ASTN2: variants seen among roughly 807,000 people sequenced by gnomAD.
ASTN2 encodes astrotactin-2.
Under a neutral mutation model 139.8 loss-of-function variants are expected in ASTN2, and 54 were observed. The observed-to-expected ratio is 0.39, with a 90% confidence interval of 0.31 to 0.48. The LOEUF (loss-of-function observed/expected upper bound fraction) is 0.48, where lower values mean the gene tolerates loss of function less well. Among genes scored for constraint, ASTN2 ranks in the 20% least tolerant of loss-of-function variants. ASTN2 has a pLI of 0.95. For synonymous variants in ASTN2, 756 were observed against 719.5 expected (o/e 1.05, Z -0.81); for missense variants, 1,565 against 1,725.1 (o/e 0.91, Z 1.64).
intron 13 of ASTN2, among the ~76,000 whole-genome samples, chr9:116,796,448 T>C (rs924786523): frequency 1.3e-5 from 2 of 152,212 alleles, no homozygotes; most frequent in African/African-American, 4.8e-5. Context: ...CCTAAGCTCC[T>C]GGCCATAGGA....
At chr9:117,229,624 T>C (rs1316166762) in intron 2 of ASTN2, among the ~76,000 whole-genome samples, 1 of 152,148 alleles carries the variant, frequency 6.6e-6, no homozygotes, top group African/African-American at 2.4e-5. Flanking sequence ...AACTTCAGAT[T>C]AATTAGATGA....
intron 19 of ASTN2, among the ~76,000 whole-genome samples, chr9:116,544,162 C>T (rs1330878632): frequency 6.6e-6 from 1 of 152,106 alleles, no homozygotes; most frequent in Non-Finnish European, 1.5e-5. Flanking sequence ...TACTAGTATT[C>T]TATGATGAAT....
intron 4 of ASTN2, among the ~76,000 whole-genome samples, chr9:117,101,111 G>C (rs1042265705): frequency 1.4e-4 from 21 of 152,158 alleles, no homozygotes; most frequent in Non-Finnish European, 2.9e-5. Context: ...TCAATTACTT[G>C]ATGCTTGTCT....
intron 10 of ASTN2, among the ~76,000 whole-genome samples, chr9:116,915,151 T>C (rs147903771): frequency 1.3e-5 from 2 of 152,302 alleles, no homozygotes; most frequent in East Asian, 3.9e-4. Flanking sequence ...CATTAAGATA[T>C]GTCAATGCCA....
At chr9:117,211,709 C>T (rs1832136411) in intron 3 of ASTN2, among the ~76,000 whole-genome samples, 1 of 152,030 alleles carries the variant, frequency 6.6e-6, no homozygotes, top group Admixed American at 6.6e-5. Flanking sequence ...CGGAAAAGTT[C>T]TAGGATGCAA....
At position 116,874,547 on chromosome 9, in the gene ASTN2, T is replaced by C. The variant is rs1054369950; in HGVS notation, c.1890-10814A>G. On this transcript the variant is annotated intron_variant, in intron 10 of 22. Transcript: ENST00000313400. ...TTGTCCATCTGTGTGATGGAGGCAA[T>C]AATATTCAACTCACAGAATTGTGGG... Among the ~76,000 whole-genome samples the C allele has an allele frequency of 3.3e-5, 5 of 152,320 alleles. No individual in the cohort carries two copies. In the East Asian group the frequency reaches 5.8e-4, roughly 18 times the overall value.
At chr9:116,655,226 C>A (rs1324338925) in intron 16 of ASTN2, among the ~76,000 whole-genome samples, 1 of 152,186 alleles carries the variant, frequency 6.6e-6, no homozygotes, top group African/African-American at 2.4e-5. Context: ...AGATGAAACA[C>A]CATTAGCCAT....
chr9:117,370,422 T>G (rs562881983), intron 1 of ASTN2, among the ~76,000 whole-genome samples: 1 of 152,286 alleles, frequency 6.6e-6, no homozygotes, highest in South Asian at 2.1e-4. Context: ...AGGGTGGTAC[T>G]GGGAGAAAGA....
intron 1 of ASTN2, among the ~76,000 whole-genome samples, chr9:117,318,738 G>A (rs1022927971): frequency 1.3e-5 from 2 of 152,122 alleles, no homozygotes; most frequent in South Asian, 2.1e-4. Flanking sequence ...AAGGAAAATC[G>A]AGGGCTCAAG....
intron 2 of ASTN2, among the ~76,000 whole-genome samples, chr9:117,244,944 G>A (rs772983891): frequency 5.9e-5 from 9 of 152,070 alleles, no homozygotes; most frequent in Non-Finnish European, 1.2e-4. Context: ...ACTTTTTTCA[G>A]TTATATGTAG....
chr9:117,227,181 G>A (rs956682081), intron 2 of ASTN2, among the ~76,000 whole-genome samples: 1 of 152,176 alleles, frequency 6.6e-6, no homozygotes, highest in Non-Finnish European at 1.5e-5. Context: ...AGTCACGTTG[G>A]TGAAGGCTTC....
At chr9:117,133,863 A>T (rs1388447087) in intron 4 of ASTN2, among the ~76,000 whole-genome samples, 1 of 152,050 alleles carries the variant, frequency 6.6e-6, no homozygotes, top group African/African-American at 2.4e-5. Flanking sequence ...CAAGCTGCAA[A>T]AAGCGCATAG....
intron 1 of ASTN2, among the ~76,000 whole-genome samples, chr9:117,313,062 T>C (rs781032815): frequency 6.6e-6 from 1 of 152,160 alleles, no homozygotes; most frequent in Non-Finnish European, 1.5e-5. Flanking sequence ...ACAAAGGAAA[T>C]AATGCCAGAA....
intron 22 of ASTN2, among the ~76,000 whole-genome samples, chr9:116,430,665 G>A (rs1479539487): frequency 6.6e-6 from 1 of 152,208 alleles, no homozygotes; most frequent in African/African-American, 2.4e-5. Context: ...TTGTAGGGCT[G>A]TTGTTAGGTT....
chr9:117,217,158 A>G (rs1172229530), intron 2 of ASTN2, among the ~76,000 whole-genome samples: 1 of 152,136 alleles, frequency 6.6e-6, no homozygotes, highest in Admixed American at 6.5e-5. Flanking sequence ...GTGCATGAAA[A>G]GGGAAAAGGA....
chr9:116,426,214 A>T, intron 22 of ASTN2, 126 bp from the exon 23 acceptor site: 1 of 1,233,886 alleles, frequency 8.1e-7, no homozygotes. Flanking sequence ...TCCAGATTGG[A>T]GTGTGGTACT....
intron 19 of ASTN2, among the ~76,000 whole-genome samples, chr9:116,541,701 C>T (rs984986712): frequency 4.6e-5 from 7 of 152,212 alleles, no homozygotes; most frequent in Non-Finnish European, 8.8e-5. Flanking sequence ...CCTCCAAAGA[C>T]TGAGAGAATA....
At chr9:116,843,562 T>A (rs1391475120) in intron 11 of ASTN2, among the ~76,000 whole-genome samples, 2 of 149,190 alleles carry the variant, frequency 1.3e-5, no homozygotes. Context: ...GGGAGGGTGA[T>A]GGGGGAGAAT....
chr9:116,874,748 G>T (rs1478023341), intron 10 of ASTN2, among the ~76,000 whole-genome samples: 2 of 152,104 alleles, frequency 1.3e-5, no homozygotes, highest in African/African-American at 4.8e-5. Flanking sequence ...TCGTTTTATT[G>T]TACCTCACTT....
Sources: gnomAD v4.1 joint callset for allele counts (sites outside exome capture counted in the v4.1 genomes callset) on GRCh38, gnomAD v4.1.1 for gene constraint, MANE v1.5 for transcripts, NCBI Gene and HGNC (gene_info 2026-07-23, HGNC 2026-07-21) for gene names.